NRXN3: variants seen among roughly 807,000 people sequenced by gnomAD.
NRXN3 encodes neurexin 3.
In NRXN3, 32 loss-of-function variants were observed where a neutral mutation model predicts 137.6. The observed-to-expected ratio is 0.23, with a 90% CI of 0.18 to 0.31. The LOEUF is 0.31. NRXN3 is among the 10% of genes least tolerant of loss of function. The pLI, the probability that NRXN3 is intolerant of heterozygous loss-of-function variation, is 1.00. For missense variants in NRXN3, 1,574 were observed against 2,062.5 expected (o/e 0.76, Z 4.59); for synonymous variants, 798 against 784.5 (o/e 1.02, Z -0.29).
Position 78,278,672 on chromosome 14 carries a change from T to C in NRXN3, c.727+10T>C, listed in dbSNP as rs1036198630. The C allele has an allele frequency of 2.8e-5, 43 of 1,534,704 alleles. No individual in the cohort carries two copies. The African/African-American group carries it at 4.9e-4, about 18-fold the overall frequency. On this transcript the variant is annotated intron_variant, in intron 3 of 20. Coordinates refer to ENST00000335750, the MANE Select transcript of NRXN3 (RefSeq NM_001330195.2). ...GTCAGTCAAGATCCAGGTGAGTCTT[T>C]GTGTTTGCACAGCTGCTGTGGGAAT...
At chr14:79,841,917 G>C (rs902397271) in intron 20 of NRXN3, among the ~76,000 whole-genome samples, 8 of 152,214 alleles carry the variant, frequency 5.3e-5, no homozygotes, top group Non-Finnish European at 8.8e-5. Flanking sequence ...GTTTAGAGAA[G>C]AGTAAATGAA....
chr14:78,739,496 C>T (rs1027912227), intron 8 of NRXN3, among the ~76,000 whole-genome samples: 6 of 152,112 alleles, frequency 3.9e-5, no homozygotes, highest in South Asian at 2.1e-4. Context: ...TTTTTTGAGA[C>T]GGAGTTTCAT....
intron 4 of NRXN3, among the ~76,000 whole-genome samples, chr14:78,629,455 A>G (rs61976107): frequency 0.061 from 9,295 of 152,284 alleles, 344 homozygotes; most frequent in Middle Eastern, 0.15. Context: ...ATGGAGGGGA[A>G]GGAGGAATGA....
At chr14:79,348,610 C>G (rs1288364936) in intron 15 of NRXN3, among the ~76,000 whole-genome samples, 2 of 152,102 alleles carry the variant, frequency 1.3e-5, no homozygotes, top group Non-Finnish European at 2.9e-5. Flanking sequence ...ATCTCCTGAC[C>G]TCGTGATCCG....
At chr14:79,320,975 A>G (rs2089906413) in intron 15 of NRXN3, among the ~76,000 whole-genome samples, 2 of 152,098 alleles carry the variant, frequency 1.3e-5, no homozygotes, top group Admixed American at 1.3e-4. Flanking sequence ...TGTTTGTTGA[A>G]TGAATCTATT....
chr14:79,460,998 A>G (rs2096330337), intron 15 of NRXN3, among the ~76,000 whole-genome samples: 2 of 152,226 alleles, frequency 1.3e-5, no homozygotes, highest in Admixed American at 1.3e-4. Flanking sequence ...ATCATTCACT[A>G]AATTCCATCT....
At chr14:79,857,704 A>G (rs1020720783) in intron 20 of NRXN3, among the ~76,000 whole-genome samples, 1 of 152,190 alleles carries the variant, frequency 6.6e-6, no homozygotes. Context: ...TCATGTTTAC[A>G]GTTATCTAAA....
At chr14:78,972,861 T>A (rs2099448167) in intron 14 of NRXN3, 1 of 152,280 alleles carries the variant, frequency 6.6e-6, no homozygotes, top group Non-Finnish European at 1.5e-5. Flanking sequence ...TTTTCGCTTT[T>A]TCTGTTCTTT....
At chr14:79,753,799 G>C (rs188760446) in intron 19 of NRXN3, among the ~76,000 whole-genome samples, 1 of 151,800 alleles carries the variant, frequency 6.6e-6, no homozygotes, top group Admixed American at 6.6e-5. Context: ...TGCCTAACAC[G>C]ATGTGAGATT....
rs2096682389 is a variant in NRXN3 at position 78,550,939 on chromosome 14, A to T, written c.758-94181A>T. 3.9e-5 allele frequency among the ~76,000 whole-genome samples: 6 copies of T among 152,298 alleles called. 1 individual carries two copies. In the South Asian group the frequency reaches 1.2e-3, roughly 32 times the overall value. On this transcript the variant is annotated intron_variant, in intron 4 of 20. Coordinates refer to ENST00000335750, the MANE Select transcript of NRXN3 (RefSeq NM_001330195.2). ...TGGAGCATGAGTATTGCAGAGTCCG[A>T]TTGGTTGGGTTCAAACTCTGGACCT... is the stretch of plus-strand genomic sequence containing the variant.
rs546099989 is a variant in NRXN3 at position 79,319,360 on chromosome 14, C to A, written c.3263-147861C>A. 9.2e-5 allele frequency among the ~76,000 whole-genome samples: 14 copies of A among 152,258 alleles called. No homozygotes were observed. The South Asian group carries it at 2.9e-3, about 32-fold the overall frequency. ...TTCTCATAAATACTAAACTACACCC[C>A]CCTGAGCATCTAGAAGATTTAAACA... On this transcript the variant is annotated intron_variant, in intron 15 of 20. Coordinates refer to ENST00000335750, the MANE Select transcript of NRXN3 (RefSeq NM_001330195.2).
rs534870939 is a variant in NRXN3 at position 79,863,904 on chromosome 14, G to A, written c.*1940G>A. ...TTTGACTTTGAAAAAATATCTTAACGACATGGGGCAAAAAGTGCAATCTAA... is the reference window on the plus strand; with the variant it reads ...TTTGACTTTGAAAAAATATCTTAACAACATGGGGCAAAAAGTGCAATCTAA... On this transcript the variant is annotated 3_prime_UTR_variant, in exon 21 of 21. Transcript: ENST00000335750. The A allele has an allele frequency of 8.6e-5, 13 of 150,466 alleles. No homozygotes were observed. The highest frequency in any genetic ancestry group is 3.3e-4 in the African/African-American group (13 of 39,500). The allele number at this position is 150,466 out of a possible 1,614,324, so 9.3% of individuals were successfully genotyped here.
chr14:79,088,495 A>T (rs2152794775), intron 15 of NRXN3, among the ~76,000 whole-genome samples: 1 of 140,156 alleles, frequency 7.1e-6, no homozygotes. Context: ...ATATCTATGT[A>T]TATGTGTATA....
intron 10 of NRXN3, among the ~76,000 whole-genome samples, chr14:78,941,214 A>G (rs1597663017): frequency 6.6e-6 from 1 of 152,214 alleles, no homozygotes; most frequent in African/African-American, 2.4e-5. Flanking sequence ...GTAGAAAGTC[A>G]GGTTATTGAG....
chr14:79,155,046 C>T (rs2060136575), intron 15 of NRXN3, among the ~76,000 whole-genome samples: 1 of 151,854 alleles, frequency 6.6e-6, no homozygotes, highest in African/African-American at 2.4e-5. Flanking sequence ...GAGGTTGTGG[C>T]ATCCTATTCA....
intron 16 of NRXN3, among the ~76,000 whole-genome samples, chr14:79,575,320 C>T (rs539516000): frequency 3.9e-5 from 6 of 151,964 alleles, no homozygotes; most frequent in Admixed American, 1.3e-4. Context: ...CAGTAGAAGA[C>T]GGAAGCGTGG....
At chr14:78,393,935 C>T (rs543038979) in intron 4 of NRXN3, among the ~76,000 whole-genome samples, 18 of 151,954 alleles carry the variant, frequency 1.2e-4, no homozygotes, top group African/African-American at 1.9e-4. Flanking sequence ...GACTTTTGTA[C>T]GTTTATCTTG....
At chr14:79,746,970 C>T (rs950780607) in intron 19 of NRXN3, among the ~76,000 whole-genome samples, 13 of 152,078 alleles carry the variant, frequency 8.5e-5, no homozygotes, top group African/African-American at 3.1e-4. Flanking sequence ...TTACCTAGAG[C>T]AAGGCTGAAA....
intron 8 of NRXN3, among the ~76,000 whole-genome samples, chr14:78,742,978 A>T (rs2098587111): frequency 6.6e-6 from 1 of 152,096 alleles, no homozygotes; most frequent in South Asian, 2.1e-4. Flanking sequence ...AATCATAATC[A>T]CTTTTTTATT....
Sources: allele counts gnomAD v4.1 joint callset (sites outside exome capture counted in the v4.1 genomes callset), GRCh38; gene constraint gnomAD v4.1.1; transcripts MANE v1.5; gene names NCBI Gene and HGNC (gene_info 2026-07-23, HGNC 2026-07-21).